Variants in LMO7 observed in about 807,000 individuals in gnomAD.
The protein encoded by LMO7 is LIM domain 7.
In LMO7, 120 loss-of-function variants were observed where a neutral mutation model predicts 206.5. The ratio of observed to expected loss-of-function variants is 0.58; its 90% confidence interval spans 0.50 to 0.68. The LOEUF (loss-of-function observed/expected upper bound fraction) is 0.68. LMO7 is among the 30% of genes least tolerant of loss of function. The probability of loss-of-function intolerance (pLI) is 0.00; values close to 1 mark genes in which losing one functional copy is unlikely to be tolerated. For synonymous variants in LMO7, 706 were observed against 681.5 expected, an observed-to-expected ratio of 1.04 and a Z score of -0.56; for missense variants, 1,959 against 1,957.9, an observed-to-expected ratio of 1.00 and a Z score of -0.01.
chr13:75,809,069 T>C, intron 10 of LMO7, 85 bp from the exon 11 acceptor site: 1 of 980,244 alleles, frequency 1.0e-6, no homozygotes, highest in Admixed American at 1.8e-5. Flanking sequence ...TCCAGTTAGA[T>C]TCTTAAGTGG....
In LMO7 at chr13:75,804,314, A is replaced by G; in HGVS notation, c.687A>G (p.Glu229=). 3 of 1,613,364 alleles carry G rather than the reference A, an allele frequency of 1.9e-6. No homozygotes were observed. The highest frequency in any genetic ancestry group is 1.7e-6 in the Non-Finnish European group (2 of 1,179,336). ...GTTTTGAAAGTGACACAGATTCGGA[A>G]TTTACATTTAAGATGCAGGATTATA... is the stretch of plus-strand genomic sequence containing the variant. The part of the protein sequence containing the change: ...REGFESDTDS[E]FTFKMQDYNK... Residue 229 remains glutamate, a synonymous_variant, in exon 8 of 31, where the codon GAA becomes GAG. Transcript: ENST00000377534.
At chr13:75,643,143 C>T (rs772839843) in intron 1 of LMO7, among the ~76,000 whole-genome samples, 32 of 152,158 alleles carry the variant, frequency 2.1e-4, no homozygotes, top group Non-Finnish European at 3.1e-4. Context: ...TCTTGTCTTT[C>T]GGTGCATTGC....
chr13:75,763,369 C>T (rs1714771755), intron 4 of LMO7, among the ~76,000 whole-genome samples: 1 of 152,188 alleles, frequency 6.6e-6, no homozygotes, highest in Non-Finnish European at 1.5e-5. Flanking sequence ...CCCTCCCTGC[C>T]AGCAAAATAG....
At chr13:75,679,317 G>A (rs922105611) in intron 1 of LMO7, among the ~76,000 whole-genome samples, 3 of 152,174 alleles carry the variant, frequency 2.0e-5, no homozygotes, top group South Asian at 2.1e-4. Context: ...TGTTTCATGT[G>A]TCTCACTCAT....
At chr13:75,820,807 A>G (rs1471199273) in intron 13 of LMO7, among the ~76,000 whole-genome samples, 2 of 152,108 alleles carry the variant, frequency 1.3e-5, no homozygotes, top group African/African-American at 4.8e-5. Flanking sequence ...AGCTTGGCCA[A>G]TATGTTGAAA....
intron 17 of LMO7, among the ~76,000 whole-genome samples, chr13:75,834,926 T>G (rs1227224820): frequency 6.6e-6 from 1 of 152,160 alleles, no homozygotes; most frequent in Non-Finnish European, 1.5e-5. Flanking sequence ...ATGGGAAAGA[T>G]TCAGCAAATT....
intron 1 of LMO7, among the ~76,000 whole-genome samples, chr13:75,643,726 CAG>C (rs369871730): frequency 2.6e-5 from 4 of 152,172 alleles, no homozygotes; most frequent in Non-Finnish European, 4.4e-5. Context: ...AACTTTGAAA[CAG>C]AGGTTTAACA....
At chr13:75,754,409 A>T (rs1035515673) in intron 3 of LMO7, among the ~76,000 whole-genome samples, 12 of 152,188 alleles carry the variant, frequency 7.9e-5, no homozygotes, top group African/African-American at 2.7e-4. Flanking sequence ...TTTACCTCTT[A>T]GCAGACATCA....
chr13:75,823,907 T>A, intron 15 of LMO7, 34 bp downstream of exon 15: 1 of 1,547,174 alleles, frequency 6.5e-7, no homozygotes, highest in African/African-American at 1.4e-5. Flanking sequence ...CATCTGTGGC[T>A]CAGACACTTA....
intron 6 of LMO7, 61 bp downstream of exon 6, chr13:75,796,810 C>T: frequency 9.9e-7 from 1 of 1,012,240 alleles, no homozygotes; most frequent in Non-Finnish European, 1.6e-6. Context: ...CTTTCCCTTC[C>T]TCCTCTCTTC....
At chr13:75,674,741 A>G (rs1336015412) in intron 1 of LMO7, among the ~76,000 whole-genome samples, 1 of 152,256 alleles carries the variant, frequency 6.6e-6, no homozygotes, top group Non-Finnish European at 1.5e-5. Context: ...AGTGGAATAC[A>G]ATGGTGTCTC....
chr13:75,840,533 G>A (rs944854487), intron 22 of LMO7, 38 bp downstream of exon 22: 9 of 1,601,326 alleles, frequency 5.6e-6, no homozygotes, highest in Non-Finnish European at 6.8e-6. Context: ...AAACTAGGTT[G>A]GATTTCACGG....
chr13:75,687,636 T>A (rs1452649951), intron 1 of LMO7, among the ~76,000 whole-genome samples: 1 of 152,192 alleles, frequency 6.6e-6, no homozygotes, highest in Non-Finnish European at 1.5e-5. Flanking sequence ...AATATTTTAT[T>A]CAAAGGAACA....
intron 1 of LMO7, among the ~76,000 whole-genome samples, chr13:75,640,126 T>A (rs1175990885): frequency 6.8e-3 from 1 of 146 alleles, no homozygotes; most frequent in African/African-American, 0.033. Context: ...TGGTAAATAT[T>A]TGTTAAAAAT....
intron 4 of LMO7, among the ~76,000 whole-genome samples, chr13:75,773,014 T>G (rs1164834113): frequency 6.6e-6 from 1 of 151,330 alleles, no homozygotes; most frequent in East Asian, 2.0e-4. Context: ...CATGATGGAG[T>G]GAGAGTTTAA....
Position 75,807,897 on chromosome 13 carries a change from C to A in LMO7, c.1614C>A (p.Tyr538Ter), listed in dbSNP as rs2055756301. The A allele has an allele frequency of 6.2e-7, 1 of 1,613,826 alleles. No individual in the cohort carries two copies. Among genetic ancestry groups the A allele is most frequent in the Admixed American group, 1.7e-5 (1 of 59,992 alleles). Residue 538 changes from tyrosine to a stop codon, truncating the protein, a stop_gained, in exon 10 of 31, where the codon TAC becomes TAA. Coordinates refer to ENST00000377534, the MANE Select transcript of LMO7 (RefSeq NM_001306080.2). LOFTEE classifies it high-confidence loss of function. ...EVPLSGAPDR[Y>*]HPVPFPEPWT... is the part of the protein sequence containing the mutation. ...CGCTGTCTGGGGCCCCAGATAGATA[C>A]CACCCAGTCCCTTTTCCCGAACCCT...
intron 1 of LMO7, among the ~76,000 whole-genome samples, chr13:75,660,876 A>G (rs1294268477): frequency 6.6e-6 from 1 of 152,138 alleles, no homozygotes; most frequent in Non-Finnish European, 1.5e-5. Flanking sequence ...ATTCCTTGTC[A>G]TGAGTTTCAG....
intron 24 of LMO7, among the ~76,000 whole-genome samples, chr13:75,842,276 CTG>C (rs1160970414): frequency 1.3e-5 from 2 of 152,348 alleles, no homozygotes; most frequent in Non-Finnish European, 2.9e-5. Context: ...CTTACTCACT[CTG>C]TTCCAGCCCC....
chr13:75,801,065 C>A (rs1158905470), intron 7 of LMO7, among the ~76,000 whole-genome samples, 183 bp downstream of exon 7: 2 of 151,918 alleles, frequency 1.3e-5, no homozygotes, highest in Non-Finnish European at 2.9e-5. Flanking sequence ...GTGATAGTTT[C>A]ATTTTTGAAA....
Sources: gnomAD v4.1 joint callset for allele counts (sites outside exome capture counted in the v4.1 genomes callset) on GRCh38, gnomAD v4.1.1 for gene constraint, MANE v1.5 for transcripts, NCBI Gene and HGNC (gene_info 2026-07-23, HGNC 2026-07-21) for gene names.